Variants in ANKS1B observed in about 807,000 individuals in gnomAD.
The protein encoded by ANKS1B is ankyrin repeat and sterile alpha motif domain containing 1B.
Under a neutral mutation model 148.3 loss-of-function variants are expected in ANKS1B, and 36 were observed. The ratio of observed to expected loss-of-function variants is 0.24; its 90% CI spans 0.19 to 0.32. The LOEUF is 0.32. Ranked by LOEUF, ANKS1B falls within the 10% of genes least tolerant of loss-of-function variation. ANKS1B has a pLI of 1.00. For synonymous variants in ANKS1B, 542 were observed against 560.8 expected (o/e 0.97, Z 0.47); for missense variants, 1,157 against 1,542.6 (o/e 0.75, Z 4.19).
chr12:99,788,869 T>G (rs114924150), intron 4 of ANKS1B, among the ~76,000 whole-genome samples: 4,000 of 151,030 alleles, frequency 0.026, 185 homozygotes, highest in African/African-American at 0.092. Context: ...ACAGGGAGAG[T>G]CTCCTCTGCC....
At chr12:98,936,161 C>T (rs2099818398) in intron 17 of ANKS1B, among the ~76,000 whole-genome samples, 1 of 152,160 alleles carries the variant, frequency 6.6e-6, no homozygotes, top group Admixed American at 6.5e-5. Context: ...ATTTAGTACT[C>T]ATACCAGTCT....
intron 10 of ANKS1B, among the ~76,000 whole-genome samples, chr12:99,500,294 C>T (rs1489978498): frequency 6.6e-6 from 1 of 152,172 alleles, no homozygotes; most frequent in Non-Finnish European, 1.5e-5. Flanking sequence ...AATGATGCAG[C>T]TTCCTCTTAG....
At chr12:99,944,541 A>C (rs1368445614) in intron 1 of ANKS1B, among the ~76,000 whole-genome samples, 1 of 152,172 alleles carries the variant, frequency 6.6e-6, no homozygotes, top group East Asian at 1.9e-4. Context: ...ATTTGTGTAT[A>C]ACCTACATGT....
intron 9 of ANKS1B, among the ~76,000 whole-genome samples, chr12:99,556,408 G>T (rs950877325): frequency 7.9e-5 from 12 of 151,394 alleles, no homozygotes; most frequent in East Asian, 7.8e-4. Flanking sequence ...GATTTTTTTT[G>T]GGGGGGAGCA....
chr12:99,120,481 T>C (rs2062505283), intron 15 of ANKS1B, among the ~76,000 whole-genome samples: 1 of 152,238 alleles, frequency 6.6e-6, no homozygotes, highest in African/African-American at 2.4e-5. Flanking sequence ...ACATAAGTAA[T>C]GAATTTATTG....
At chr12:99,471,663 C>T (rs1864921936) in intron 10 of ANKS1B, among the ~76,000 whole-genome samples, 1 of 151,912 alleles carries the variant, frequency 6.6e-6, no homozygotes. Context: ...CACACACACA[C>T]ACACACATAC....
At chr12:99,654,946 G>A in intron 9 of ANKS1B, 121 bp downstream of exon 9, 1 of 1,151,210 alleles carries the variant, frequency 8.7e-7, no homozygotes, top group Non-Finnish European at 1.2e-6. Context: ...AAAACCACAA[G>A]ATCCAAAATC....
At chr12:99,378,827 C>T (rs1359497709) in intron 12 of ANKS1B, among the ~76,000 whole-genome samples, 1 of 152,112 alleles carries the variant, frequency 6.6e-6, no homozygotes, top group Non-Finnish European at 1.5e-5. Flanking sequence ...AAGTAAGACT[C>T]CAGAGGGCAG....
chr12:98,889,416 C>G (rs780302505), intron 17 of ANKS1B, among the ~76,000 whole-genome samples: 30 of 151,590 alleles, frequency 2.0e-4, no homozygotes, highest in Non-Finnish European at 8.8e-5. Context: ...GGCACTATCT[C>G]GGCTCACTGC....
chr12:99,801,343 A>T (rs1340175096), intron 4 of ANKS1B, among the ~76,000 whole-genome samples: 1 of 152,204 alleles, frequency 6.6e-6, no homozygotes, highest in Non-Finnish European at 1.5e-5. Context: ...GAACTAAATG[A>T]AAACCAAAAG....
intron 17 of ANKS1B, among the ~76,000 whole-genome samples, chr12:99,017,653 T>G (rs978959371): frequency 1.3e-5 from 2 of 152,138 alleles, no homozygotes; most frequent in African/African-American, 4.8e-5. Flanking sequence ...CCTAGCCCCC[T>G]GCCCACCAAA....
In ANKS1B at chr12:99,929,934, T is replaced by C. The variant is rs961720985; in HGVS notation, c.134+54170A>G. Among the ~76,000 whole-genome samples, 1,256 of 152,254 alleles carry C rather than the reference T, an allele frequency of 8.2e-3. 10 individuals are homozygous for C. The highest frequency in any genetic ancestry group is 0.011 in the Non-Finnish European group (742 of 68,010). ...TATAGTTTGAAGTCAGGTAGCATGA[T>C]GCCTCCAGCTTTGTTCTTTTGGCTT... On this transcript the variant is annotated intron_variant, in intron 1 of 26. Coordinates refer to ENST00000683438, the MANE Select transcript of ANKS1B (RefSeq NM_001352186.2).
At chr12:98,891,304 T>C (rs2099752114) in intron 17 of ANKS1B, among the ~76,000 whole-genome samples, 1 of 151,954 alleles carries the variant, frequency 6.6e-6, no homozygotes, top group Admixed American at 6.6e-5. Context: ...TGGCCAAACA[T>C]AAAGATTTTT....
chr12:99,925,423 G>A (rs182781867), intron 1 of ANKS1B, among the ~76,000 whole-genome samples: 62 of 152,280 alleles, frequency 4.1e-4, no homozygotes, highest in African/African-American at 1.5e-3. Context: ...GCTCCGGGAA[G>A]AATAAAAAAG....
chr12:99,928,261 AT>A (rs1275035186), intron 1 of ANKS1B, among the ~76,000 whole-genome samples: 2 of 106,626 alleles, frequency 1.9e-5, no homozygotes, highest in Non-Finnish European at 3.9e-5. Flanking sequence ...CTATTATTTT[AT>A]TTTATTTTAT....
chr12:98,963,269 T>G (rs911286304), intron 17 of ANKS1B, among the ~76,000 whole-genome samples: 5 of 151,522 alleles, frequency 3.3e-5, no homozygotes, highest in African/African-American at 1.2e-4. Flanking sequence ...AACCTGAACC[T>G]CCTGGGTTCA....
intron 15 of ANKS1B, among the ~76,000 whole-genome samples, chr12:99,092,168 C>T (rs990830083): frequency 1.3e-5 from 2 of 152,086 alleles, no homozygotes; most frequent in African/African-American, 4.8e-5. Flanking sequence ...TAAACGTTCC[C>T]TAACTACCCA....
chr12:99,084,439 G>C (rs1359099185), intron 16 of ANKS1B, among the ~76,000 whole-genome samples: 2 of 152,260 alleles, frequency 1.3e-5, no homozygotes, highest in Non-Finnish European at 2.9e-5. Flanking sequence ...TCAAGCTAAG[G>C]GTTCATGCCT....
intron 9 of ANKS1B, among the ~76,000 whole-genome samples, chr12:99,525,777 C>T (rs1020635026): frequency 2.6e-5 from 4 of 151,744 alleles, no homozygotes; most frequent in African/African-American, 9.7e-5. Flanking sequence ...AACTTTTGAC[C>T]AGAAGCTACA....
Sources: allele counts gnomAD v4.1 joint callset (sites outside exome capture counted in the v4.1 genomes callset), GRCh38; gene constraint gnomAD v4.1.1; transcripts MANE v1.5; gene names NCBI Gene and HGNC (gene_info 2026-07-23, HGNC 2026-07-21).